Variants in DOP1A observed in about 807,000 individuals in gnomAD.
DOP1A encodes protein DOP1A.
A neutral mutation model predicts 267.6 loss-of-function variants in DOP1A; 90 were observed. The ratio of observed to expected loss-of-function variants is 0.34; its 90% CI spans 0.28 to 0.40. The LOEUF is 0.40. Among genes scored for constraint, DOP1A ranks in the 10% least tolerant of loss-of-function variants. The probability of loss-of-function intolerance (pLI) is 1.00; values close to 1 mark genes in which losing one functional copy is unlikely to be tolerated. For synonymous variants in DOP1A, 932 were observed against 999.1 expected, an observed-to-expected ratio of 0.93 and a Z score of 1.27; for missense variants, 2,437 against 2,900.4, an observed-to-expected ratio of 0.84 and a Z score of 3.67.
At position 83,137,578 on chromosome 6, in the gene DOP1A, C is replaced by G; in HGVS notation, c.3536C>G (p.Ala1179Gly). Residue 1179 changes from alanine (A) to glycine (G), a missense_variant, in exon 21 of 39, where the codon GCT becomes GGT. Physicochemically the swap from Ala to Gly is moderately conservative, Grantham distance 60. This residue lies in a region of DOP1A where 878 missense variants were observed against 992.9 expected (regional missense o/e 0.88). Coordinates refer to ENST00000349129, the MANE Select transcript of DOP1A (RefSeq NM_015018.4). ...GTTACATCTCAATTAGAAATTGAAG[C>G]TATGCCCCCAAAGTGCAGTGATATA... Reference protein sequence around the residue: ...ASVTSQLEIEAMPPKCSDIDP... With the variant: ...ASVTSQLEIEGMPPKCSDIDP... 1 of 1,613,758 alleles carries G rather than the reference C, an allele frequency of 6.2e-7. No individual in the cohort carries two copies. Among genetic ancestry groups the G allele is most frequent in the Non-Finnish European group, 8.5e-7 (1 of 1,179,814 alleles).
At chr6:83,085,959 CAGT>C (rs1474634516) in intron 1 of DOP1A, among the ~76,000 whole-genome samples, 3 of 152,020 alleles carry the variant, frequency 2.0e-5, no homozygotes, top group Admixed American at 6.6e-5. Context: ...AAGCAGGAAT[CAGT>C]GGTGTGCTGG....
In DOP1A at chr6:83,152,353, A is replaced by G; in HGVS notation, c.6115A>G (p.Thr2039Ala). The stretch of plus-strand genomic sequence containing the variant: ...TTCTGTATATAGTGTCCATGCATTG[A>G]CATTACTCTCTGAGGTAAATATTAA... ...TPSVYSVHAL[T>A]LLSEVLAHLL... Residue 2039 changes from threonine (T) to alanine (A), a missense_variant, in exon 30 of 39, where the codon ACA becomes GCA. Coordinates refer to ENST00000349129, the MANE Select transcript of DOP1A (RefSeq NM_015018.4). 6.5e-7 allele frequency: 1 copy of G among 1,538,856 alleles called. No homozygotes were observed. The highest frequency in any genetic ancestry group is 8.8e-7 in the Non-Finnish European group (1 of 1,141,228).
At chr6:83,127,985 A>T (rs961147653) in intron 15 of DOP1A, among the ~76,000 whole-genome samples, 2 of 152,094 alleles carry the variant, frequency 1.3e-5, no homozygotes, top group Non-Finnish European at 2.9e-5. Context: ...CAAGGCCTGC[A>T]CCCTTAACCC....
downstream of DOP1A, chr6:83,170,237 C>A: frequency 7.1e-7 from 1 of 1,418,108 alleles, no homozygotes; most frequent in South Asian, 1.2e-5. Context: ...TTCTAAAAAC[C>A]ATTAAAATAG....
In DOP1A at chr6:83,120,778, C is replaced by A; in HGVS notation, c.1086C>A (p.Asp362Glu). 6.4e-7 allele frequency: 1 copy of A among 1,569,254 alleles called. No homozygotes were observed. Among genetic ancestry groups the A allele is most frequent in the Non-Finnish European group, 8.7e-7 (1 of 1,148,752 alleles). ...TTCGCATTTTAATCAGTTTACTGGA[C>A]AAACCTGAGCTAGGTAATGTATACT... ...KPFRILISLL[D>E]KPELGPVILE... The change falls in exon 10 of 39, where the codon GAC becomes GAA. Residue 362 changes from aspartate to glutamate, a missense_variant. By Grantham distance (45) the Asp-to-Glu change is conservative. This residue lies in a region of DOP1A where 498 missense variants were observed against 513.5 expected (regional missense o/e 0.97). Coordinates refer to ENST00000349129, the MANE Select transcript of DOP1A (RefSeq NM_015018.4).
Position 83,167,856 on chromosome 6 carries a change from CT to C in DOP1A, c.7093-5del, listed in dbSNP as rs1270497104. On this transcript the variant is annotated splice_polypyrimidine_tract_variant and splice_region_variant and intron_variant, in intron 38 of 38. Transcript: ENST00000349129. ...TTAATACCAGTTCACTTTTTGTTTT[CT>C]GCAGAAAAATCCAGAGGAAGACAAC... The C allele has an allele frequency of 6.3e-7, 1 of 1,590,974 alleles. No individual in the cohort carries two copies. The highest frequency in any genetic ancestry group is 1.8e-5 in the Admixed American group (1 of 55,300).
chr6:83,071,655 GAAAC>G (rs1273165688), intron 1 of DOP1A, among the ~76,000 whole-genome samples: 4 of 152,052 alleles, frequency 2.6e-5, no homozygotes, highest in Non-Finnish European at 4.4e-5. Flanking sequence ...CAATAATTGA[GAAAC>G]AAAGCCTTAA....
chr6:83,099,178 A>G (rs911029728), intron 3 of DOP1A, among the ~76,000 whole-genome samples: 5 of 152,276 alleles, frequency 3.3e-5, no homozygotes, highest in South Asian at 4.1e-4. Flanking sequence ...ATGAAAACCT[A>G]CAGACACACT....
In DOP1A at chr6:83,110,240, G is replaced by A; in HGVS notation, c.607G>A (p.Val203Ile). 1 of 1,614,036 alleles carries A rather than the reference G, an allele frequency of 6.2e-7. No individual in the cohort carries two copies. The highest frequency in any genetic ancestry group is 1.1e-5 in the South Asian group (1 of 91,068). Residue 203 changes from valine to isoleucine, a missense_variant, in exon 6 of 39, where the codon GTT becomes ATT. By Grantham distance (29) the Val-to-Ile change is conservative (BLOSUM62 3). Coordinates refer to ENST00000349129, the MANE Select transcript of DOP1A (RefSeq NM_015018.4). ...PAVRLPGITY[V>I]LAHLNRKLSM... Reference sequence around the variant, plus strand: ...TGTGCGTTTACCTGGAATCACGTATGTTCTTGCCCATTTAAACAGGAAGCT... The same window carrying A: ...TGTGCGTTTACCTGGAATCACGTATATTCTTGCCCATTTAAACAGGAAGCT...
At chr6:83,085,198 A>C (rs903992110) in intron 1 of DOP1A, among the ~76,000 whole-genome samples, 1 of 152,192 alleles carries the variant, frequency 6.6e-6, no homozygotes, top group African/African-American at 2.4e-5. Flanking sequence ...TGGTTTAACT[A>C]TATTGTCGTT....
Position 83,132,189 on chromosome 6 carries a change from C to T in DOP1A, c.2630C>T (p.Thr877Ile). The T allele has an allele frequency of 6.2e-7, 1 of 1,610,066 alleles. No homozygotes were observed. Among genetic ancestry groups the T allele is most frequent in the Non-Finnish European group, 8.5e-7 (1 of 1,176,948 alleles). The change falls in exon 18 of 39, where the codon ACA becomes ATA. Residue 877 changes from threonine to isoleucine, a missense_variant. Thr to Ile is a moderately conservative substitution (Grantham distance 89). Transcript: ENST00000349129. The stretch of plus-strand genomic sequence containing the variant: ...TCTTTTTTATAGCATGTAGCTTTAA[C>T]ATTGTGGGACCAGTTGGGAGATGGG... ...KTEFFKHVAL[T>I]LWDQLGDGTP...
At chr6:83,156,241 C>T in intron 34 of DOP1A, 138 bp downstream of exon 34, 1 of 691,870 alleles carries the variant, frequency 1.4e-6, no homozygotes, top group East Asian at 2.8e-5. Flanking sequence ...TCTACTGAAA[C>T]AATGAAAATT....
chr6:83,111,105 T>C (rs968951157), intron 6 of DOP1A, among the ~76,000 whole-genome samples: 2 of 152,110 alleles, frequency 1.3e-5, no homozygotes, highest in African/African-American at 4.8e-5. Context: ...GTTAAATAAA[T>C]CATACTGTAT....
chr6:83,147,181 A>C, intron 25 of DOP1A, 55 bp from the exon 26 acceptor site: 3 of 940,756 alleles, frequency 3.2e-6, no homozygotes, highest in East Asian at 5.1e-5. Context: ...TGCAACAATG[A>C]AAAAGCAAAG....
chr6:83,111,038 A>G (rs145405483), intron 6 of DOP1A, among the ~76,000 whole-genome samples: 203 of 152,194 alleles, frequency 1.3e-3, no homozygotes, highest in African/African-American at 4.7e-3. Context: ...CTACACTCCC[A>G]GGCCCTTAGA....
intron 8 of DOP1A, 81 bp downstream of exon 8, chr6:83,119,068 G>A: frequency 8.3e-7 from 1 of 1,205,614 alleles, no homozygotes; most frequent in Non-Finnish European, 1.2e-6. Flanking sequence ...CAAGTTGTAT[G>A]TATGTCCTGA....
At chr6:83,077,292 AGTT>A (rs1298223181) in intron 1 of DOP1A, among the ~76,000 whole-genome samples, 2 of 152,204 alleles carry the variant, frequency 1.3e-5, no homozygotes, top group African/African-American at 2.4e-5. Flanking sequence ...GCTTGAGCCC[AGTT>A]GTTCAAAACC....
intron 38 of DOP1A, chr6:83,166,994 T>A (rs1302950020): frequency 7.1e-6 from 7 of 985,730 alleles, no homozygotes; most frequent in Non-Finnish European, 8.4e-6. Context: ...CAACCTGTTC[T>A]CTCTTATCTT....
intron 22 of DOP1A, 55 bp downstream of exon 22, chr6:83,140,166 T>A: frequency 6.2e-7 from 1 of 1,605,624 alleles, no homozygotes; most frequent in Non-Finnish European, 8.5e-7. Context: ...TCTAATAAAT[T>A]TCCATTTGTA....
Sources: allele counts gnomAD v4.1 joint callset (sites outside exome capture counted in the v4.1 genomes callset), GRCh38; gene constraint gnomAD v4.1.1; regional missense constraint gnomAD v4.1.1; transcripts MANE v1.5; gene names NCBI Gene and HGNC (gene_info 2026-07-23, HGNC 2026-07-21).